Variants in TPST1 observed in about 807,000 individuals in gnomAD.
The protein encoded by TPST1 is protein-tyrosine sulfotransferase 1.
TPST1 carries 20 observed loss-of-function variants against 34.8 expected under a neutral mutation model. That is an observed-to-expected ratio of 0.57 (90% confidence interval 0.40 to 0.84). The LOEUF is 0.84. TPST1 is among the 40% of genes least tolerant of loss of function. TPST1 has a pLI of 0.00. For synonymous variants in TPST1, 152 were observed against 159.4 expected (o/e 0.95, Z 0.35); for missense variants, 353 against 455.5 (o/e 0.78, Z 2.05).
At chr7:66,235,047 A>C (rs918551609) in intron 1 of TPST1, among the ~76,000 whole-genome samples, 2 of 149,842 alleles carry the variant, frequency 1.3e-5, no homozygotes, top group Non-Finnish European at 3.0e-5. Flanking sequence ...AATAGGATCG[A>C]CTCTTCTCTG....
At chr7:66,257,009 C>A (rs1790394589) in intron 2 of TPST1, among the ~76,000 whole-genome samples, 1 of 152,130 alleles carries the variant, frequency 6.6e-6, no homozygotes, top group Non-Finnish European at 1.5e-5. Context: ...TGCAGTGGCG[C>A]AGTCATGGCT....
chr7:66,351,464 C>T (rs1383815267), intron 3 of TPST1, among the ~76,000 whole-genome samples: 1 of 152,138 alleles, frequency 6.6e-6, no homozygotes, highest in Non-Finnish European at 1.5e-5. Context: ...CAAAACCCTA[C>T]TGTCTTACTT....
intron 1 of TPST1, among the ~76,000 whole-genome samples, chr7:66,214,504 T>C (rs1789347106): frequency 6.6e-6 from 1 of 151,840 alleles, no homozygotes; most frequent in African/African-American, 2.4e-5. Flanking sequence ...GTATATGTAA[T>C]GAGTTCGGAA....
chr7:66,217,339 C>T (rs1789444251), intron 1 of TPST1, among the ~76,000 whole-genome samples: 1 of 152,072 alleles, frequency 6.6e-6, no homozygotes, highest in Non-Finnish European at 1.5e-5. Flanking sequence ...TGAATTCTGT[C>T]AGTTTTTGCT....
chr7:66,341,067 C>T (rs2116327354), intron 3 of TPST1, among the ~76,000 whole-genome samples: 1 of 152,174 alleles, frequency 6.6e-6, no homozygotes, highest in East Asian at 1.9e-4. Flanking sequence ...TATCAAAATA[C>T]CAATGACATT....
chr7:66,206,084 C>T (rs183910364), intron 1 of TPST1, among the ~76,000 whole-genome samples: 231 of 152,024 alleles, frequency 1.5e-3, no homozygotes, highest in African/African-American at 5.4e-3. Flanking sequence ...TCTTAAACCT[C>T]CAGACACTTT....
Position 66,275,451 on chromosome 7 carries a change from A to G in TPST1, c.846-11060A>G, listed in dbSNP as rs568584105. On this transcript the variant is annotated intron_variant, in intron 2 of 5. Coordinates refer to ENST00000304842, the MANE Select transcript of TPST1 (RefSeq NM_003596.4). ...ACATGTTCATTACAGCACTATTCAC[A>G]ATAGCCAAGATATCAACCCAAGCAT... 2.6e-5 allele frequency among the ~76,000 whole-genome samples: 4 copies of G among 152,338 alleles called. No homozygotes were observed. In the South Asian group the frequency reaches 6.2e-4, roughly 24 times the overall value.
chr7:66,310,692 G>A (rs1584229234), intron 3 of TPST1, among the ~76,000 whole-genome samples: 1 of 152,030 alleles, frequency 6.6e-6, no homozygotes, highest in Non-Finnish European at 1.5e-5. Context: ...ACTTGAATTG[G>A]GTTTCTGGGC....
At chr7:66,351,704 T>C (rs1175970787) in intron 3 of TPST1, among the ~76,000 whole-genome samples, 1 of 151,992 alleles carries the variant, frequency 6.6e-6, no homozygotes, top group Non-Finnish European at 1.5e-5. Context: ...AGAATTTTGA[T>C]TGGGAATTCT....
chr7:66,250,957 G>C (rs1337460129), intron 2 of TPST1, among the ~76,000 whole-genome samples: 1 of 152,238 alleles, frequency 6.6e-6, no homozygotes, highest in Non-Finnish European at 1.5e-5. Flanking sequence ...AGTCTAGACA[G>C]AGTGAGACAA....
intron 3 of TPST1, among the ~76,000 whole-genome samples, chr7:66,325,606 A>G (rs1011336750): frequency 1.9e-4 from 29 of 151,088 alleles, no homozygotes; most frequent in African/African-American, 7.1e-4. Context: ...GACATGTGCC[A>G]CTGTGCCCAG....
intron 2 of TPST1, among the ~76,000 whole-genome samples, chr7:66,244,115 AT>A (rs1790099093): frequency 6.6e-6 from 1 of 151,248 alleles, no homozygotes; most frequent in African/African-American, 2.4e-5. Context: ...CGCCCAGCTA[AT>A]TTTTTTATTT....
At chr7:66,327,602 A>G (rs545821894) in intron 3 of TPST1, among the ~76,000 whole-genome samples, 46 of 152,132 alleles carry the variant, frequency 3.0e-4, no homozygotes, top group Admixed American at 1.2e-3. Context: ...AGGTGCCCAT[A>G]GTCCTAGCTA....
rs182557656 is a variant in TPST1, at chr7:66,217,630, C to G, written c.-102+12108C>G. Among the ~76,000 whole-genome samples the G allele has an allele frequency of 1.4e-4, 22 of 152,270 alleles. No individual in the cohort carries two copies. The East Asian group carries it at 3.3e-3, about 23-fold the overall frequency. On this transcript the variant is annotated intron_variant, in intron 1 of 5. Transcript: ENST00000304842. ...TGTTTGTTTGAGATGGAGTCTTGCT[C>G]TGTCGCCCAGGCTGGAGTGCACTGG...
chr7:66,241,331 A>T, intron 2 of TPST1, 61 bp downstream of exon 2: 1 of 1,525,558 alleles, frequency 6.6e-7, no homozygotes, highest in Non-Finnish European at 8.8e-7. Flanking sequence ...ATCTATACAT[A>T]TGTATGTATG....
Position 66,282,276 on chromosome 7 carries a change from T to G in TPST1, c.846-4235T>G, listed in dbSNP as rs148017182. On this transcript the variant is annotated intron_variant, in intron 2 of 5. Transcript: ENST00000304842. ...TTTCCCTCTAATCACTGTGTCCTTTTGAACAAAAGTTGGCAAACTTTTTCT... is the reference window on the plus strand; with the variant it reads ...TTTCCCTCTAATCACTGTGTCCTTTGGAACAAAAGTTGGCAAACTTTTTCT... Among the ~76,000 whole-genome samples, 984 of 152,300 alleles carry G rather than the reference T, an allele frequency of 6.5e-3. 3 individuals are homozygous for G. The highest frequency in any genetic ancestry group is 1.0e-2 in the Non-Finnish European group (679 of 68,018).
intron 1 of TPST1, among the ~76,000 whole-genome samples, chr7:66,238,502 G>T (rs1035684646): frequency 6.6e-6 from 1 of 151,648 alleles, no homozygotes; most frequent in African/African-American, 2.4e-5. Context: ...GTGAGACCTG[G>T]CCTGCCACAG....
intron 2 of TPST1, among the ~76,000 whole-genome samples, chr7:66,264,929 C>T (rs571388156): frequency 2.0e-5 from 3 of 152,014 alleles, no homozygotes; most frequent in Non-Finnish European, 1.5e-5. Context: ...AACCCAAAAA[C>T]CTAACTGAAA....
rs73365450 is a variant in TPST1, at chr7:66,296,549, A to G, written c.1044+9840A>G. 2.5e-3 allele frequency among the ~76,000 whole-genome samples: 385 copies of G among 151,978 alleles called. 1 individual carries two copies. Among genetic ancestry groups the G allele is most frequent in the African/African-American group, 9.0e-3 (372 of 41,464 alleles). On this transcript the variant is annotated intron_variant, in intron 3 of 5. Coordinates refer to ENST00000304842, the MANE Select transcript of TPST1 (RefSeq NM_003596.4). ...TGTTGACCGTTAGCTATGATATGAG[A>G]TGGGCCCCAGAGAAAGAGGTGGCTG...
Sources: allele counts gnomAD v4.1 joint callset (sites outside exome capture counted in the v4.1 genomes callset), GRCh38; gene constraint gnomAD v4.1.1; transcripts MANE v1.5; gene names NCBI Gene and HGNC (gene_info 2026-07-23, HGNC 2026-07-21).